The following MAPK10 variants were observed in gnomAD, a reference collection of about 807,000 sequenced individuals.
MAPK10 encodes JNK3 alpha protein kinase.
MAPK10 carries 25 observed loss-of-function variants against 59.3 expected under a neutral mutation model. That is an observed-to-expected ratio of 0.42 (90% confidence interval 0.31 to 0.59). The LOEUF (loss-of-function observed/expected upper bound fraction) is 0.59. MAPK10 is among the 20% of genes least tolerant of loss of function. MAPK10 has a pLI of 0.15. For missense variants in MAPK10, 351 were observed against 568.9 expected (o/e 0.62, Z 3.90); for synonymous variants, 190 against 200.5 (o/e 0.95, Z 0.44).
intron 3 of MAPK10, among the ~76,000 whole-genome samples, chr4:86,165,288 C>T (rs1315607063): frequency 1.3e-5 from 2 of 152,078 alleles, no homozygotes; most frequent in African/African-American, 2.4e-5. Context: ...GCAAAGTCAG[C>T]CAAAATAATG....
intron 1 of MAPK10, among the ~76,000 whole-genome samples, chr4:86,577,383 C>A (rs1014894151): frequency 1.3e-5 from 2 of 152,062 alleles, no homozygotes; most frequent in African/African-American, 2.4e-5. Context: ...AGGAAAAGGA[C>A]ATAAGACTCA....
chr4:86,208,579 G>T (rs1454249212), intron 2 of MAPK10, among the ~76,000 whole-genome samples: 3 of 151,792 alleles, frequency 2.0e-5, no homozygotes, highest in African/African-American at 7.3e-5. Context: ...AGATATTGAT[G>T]GGACGTATCT....
chr4:86,063,415 G>A (rs2046101579), intron 11 of MAPK10, among the ~76,000 whole-genome samples: 1 of 152,110 alleles, frequency 6.6e-6, no homozygotes, highest in Non-Finnish European at 1.5e-5. Flanking sequence ...AATATGAGAT[G>A]CTTTAGCACA....
intron 3 of MAPK10, among the ~76,000 whole-genome samples, chr4:86,161,933 C>T (rs1190776108): frequency 6.6e-6 from 1 of 151,988 alleles, no homozygotes; most frequent in Non-Finnish European, 1.5e-5. Flanking sequence ...TGTCTCTCCT[C>T]TTCCAACATT....
intron 4 of MAPK10, among the ~76,000 whole-genome samples, chr4:86,149,579 T>C (rs979115752): frequency 6.6e-6 from 1 of 152,206 alleles, no homozygotes; most frequent in Admixed American, 6.5e-5. Context: ...GATTGGATTA[T>C]TTTACTGGCA....
At chr4:86,287,363 A>C (rs28444287) in intron 2 of MAPK10, among the ~76,000 whole-genome samples, 2,188 of 152,268 alleles carry the variant, frequency 0.014, 54 homozygotes, top group African/African-American at 0.05. Context: ...CTACTCACAA[A>C]GTTTTTGTTC....
At chr4:86,197,374 G>A (rs2081570622) in intron 2 of MAPK10, among the ~76,000 whole-genome samples, 1 of 152,198 alleles carries the variant, frequency 6.6e-6, no homozygotes, top group Admixed American at 6.5e-5. Flanking sequence ...TACTATTGGT[G>A]TATAGGAATG....
intron 2 of MAPK10, among the ~76,000 whole-genome samples, chr4:86,305,349 T>C (rs1356665192): frequency 6.6e-6 from 1 of 152,202 alleles, no homozygotes; most frequent in Non-Finnish European, 1.5e-5. Flanking sequence ...CTGTTTTGTT[T>C]TAAGGTTATT....
At chr4:86,138,925 A>G (rs2062902167) in intron 4 of MAPK10, among the ~76,000 whole-genome samples, 2 of 151,278 alleles carry the variant, frequency 1.3e-5, no homozygotes, top group Non-Finnish European at 2.9e-5. Flanking sequence ...GTGAACTCCC[A>G]TTCACAATTG....
At chr4:86,412,545 C>T (rs559098866) in intron 1 of MAPK10, among the ~76,000 whole-genome samples, 15 of 152,292 alleles carry the variant, frequency 9.8e-5, no homozygotes, top group African/African-American at 2.2e-4. Context: ...ACCAATCAAA[C>T]GTAGATTTAG....
At chr4:86,529,076 G>C in intron 1 of MAPK10, among the ~76,000 whole-genome samples, 1 of 152,128 alleles carries the variant, frequency 6.6e-6, no homozygotes, top group East Asian at 1.9e-4. Context: ...AGGGAGAAAG[G>C]AGAAAACAAA....
At chr4:86,029,109 A>T (rs1301307512) in intron 13 of MAPK10, 88 bp downstream of exon 13, 3 of 831,502 alleles carry the variant, frequency 3.6e-6, no homozygotes, top group Non-Finnish European at 6.4e-6. Context: ...CTCTTTAAGC[A>T]ATGTTATGTT....
Position 86,372,831 on chromosome 4 carries a change from C to T in MAPK10, c.-121-18187G>A, listed in dbSNP as rs565995625. Among the ~76,000 whole-genome samples the T allele has an allele frequency of 1.1e-3, 163 of 152,158 alleles. 2 individuals carry two copies. In the South Asian group the frequency reaches 0.032, roughly 30 times the overall value. Reference sequence around the variant, plus strand: ...GGTGGGAAAGATCTAAAACCAACACCCTAACATCACAATTAAAAGAACTAG... The same window carrying T: ...GGTGGGAAAGATCTAAAACCAACACTCTAACATCACAATTAAAAGAACTAG... On this transcript the variant is annotated intron_variant, in intron 1 of 13. Transcript: ENST00000361569.
At chr4:86,112,011 G>C (rs916027919) in intron 4 of MAPK10, among the ~76,000 whole-genome samples, 2 of 152,154 alleles carry the variant, frequency 1.3e-5, no homozygotes, top group African/African-American at 4.8e-5. Flanking sequence ...TTTGTGTAGA[G>C]TTGTTTATAG....
At chr4:86,460,340 G>A (rs1181698503) in intron 1 of MAPK10, among the ~76,000 whole-genome samples, 1 of 152,182 alleles carries the variant, frequency 6.6e-6, no homozygotes, top group Non-Finnish European at 1.5e-5. Flanking sequence ...CTGGAAGGCA[G>A]GGCCAGGAGA....
At chr4:86,251,009 G>A (rs1013076376) in intron 2 of MAPK10, among the ~76,000 whole-genome samples, 1 of 151,662 alleles carries the variant, frequency 6.6e-6, no homozygotes, top group Non-Finnish European at 1.5e-5. Context: ...ACTTCAGGGA[G>A]CAACTCAGAG....
rs144503670 is a variant in MAPK10, at chr4:86,405,347, T to C, written c.-122+47683A>G. 3.4e-3 allele frequency among the ~76,000 whole-genome samples: 518 copies of C among 152,346 alleles called. 3 individuals carry two copies. Among genetic ancestry groups the C allele is most frequent in the African/African-American group, 0.012 (492 of 41,590 alleles). On this transcript the variant is annotated intron_variant, in intron 1 of 13. Coordinates refer to the MAPK10 transcript ENST00000361569. ...TATAATAATGAGTGCTGTGTAACAA[T>C]TGGCTATACACCTCAAATAAGAGTT...
At chr4:86,551,647 C>A (rs1173661297) in intron 1 of MAPK10, among the ~76,000 whole-genome samples, 1 of 151,692 alleles carries the variant, frequency 6.6e-6, no homozygotes, top group Non-Finnish European at 1.5e-5. Flanking sequence ...ACTCTATCAC[C>A]CAGGCTGGAG....
At chr4:86,116,244 G>C (rs1371281160) in intron 4 of MAPK10, among the ~76,000 whole-genome samples, 1 of 152,198 alleles carries the variant, frequency 6.6e-6, no homozygotes, top group Non-Finnish European at 1.5e-5. Context: ...TAGAGATCCT[G>C]TCAGCCAACC....
Sources: gnomAD v4.1 joint callset for allele counts (sites outside exome capture counted in the v4.1 genomes callset) on GRCh38, gnomAD v4.1.1 for gene constraint, MANE v1.5 for transcripts, NCBI Gene and HGNC (gene_info 2026-07-23, HGNC 2026-07-21) for gene names.